The following HEATR5A variants were observed in gnomAD, a reference collection of about 807,000 sequenced individuals.
HEATR5A encodes HEAT repeat-containing protein 5A.
HEATR5A carries 178 observed loss-of-function variants against 218.8 expected under a neutral mutation model. The observed-to-expected ratio is 0.81, with a 90% confidence interval of 0.72 to 0.92. The LOEUF (loss-of-function observed/expected upper bound fraction) is 0.92, where lower values mean the gene tolerates loss of function less well. Among genes scored for constraint, HEATR5A ranks in the 40% least tolerant of loss-of-function variants. The pLI is 0.00. For missense variants in HEATR5A, 2,420 were observed against 2,418.9 expected (o/e 1.00, Z -0.01); for synonymous variants, 864 against 871.6 (o/e 0.99, Z 0.15).
intron 22 of HEATR5A, among the ~76,000 whole-genome samples, chr14:31,329,229 C>A (rs555126605): frequency 5.3e-5 from 8 of 152,306 alleles, no homozygotes; most frequent in African/African-American, 1.7e-4. Flanking sequence ...CCTCCCAAGT[C>A]TTATGTCCAC....
At chr14:31,394,002 C>T (rs1342649949) in intron 6 of HEATR5A, 50 bp downstream of exon 6, 1 of 1,249,818 alleles carries the variant, frequency 8.0e-7, no homozygotes, top group Non-Finnish European at 1.1e-6. Context: ...TTTATATCAA[C>T]TGGGGAAAAA....
At chr14:31,294,511 G>GTGAT (rs1899114529) in intron 34 of HEATR5A, among the ~76,000 whole-genome samples, 1 of 149,906 alleles carries the variant, frequency 6.7e-6, no homozygotes, top group African/African-American at 2.5e-5. Context: ...CTGTGTTCAA[G>GTGAT]TGATTCTCCT....
At chr14:31,402,702 CA>C in intron 2 of HEATR5A, 147 bp downstream of exon 2, 2 of 675,530 alleles carry the variant, frequency 3.0e-6, no homozygotes, top group Non-Finnish European at 4.5e-6. Flanking sequence ...GATGAGGGAA[CA>C]AAAAATGTAA....
At chr14:31,416,931 C>T (rs563518436) in intron 1 of HEATR5A, among the ~76,000 whole-genome samples, 130 of 152,030 alleles carry the variant, frequency 8.6e-4, no homozygotes, top group Middle Eastern at 3.4e-3. Flanking sequence ...GCAAAACCGC[C>T]TCTCTACAAA....
intron 6 of HEATR5A, among the ~76,000 whole-genome samples, chr14:31,390,162 G>C (rs562508017): frequency 5.9e-5 from 9 of 152,302 alleles, no homozygotes; most frequent in South Asian, 2.1e-4. Flanking sequence ...AGTTTACACA[G>C]AGCAATGGGG....
At chr14:31,337,407 T>C in intron 22 of HEATR5A, 69 bp downstream of exon 22, 1 of 1,303,192 alleles carries the variant, frequency 7.7e-7, no homozygotes, top group Non-Finnish European at 1.1e-6. Context: ...TCAAAACTCA[T>C]GTATATATGG....
In HEATR5A at chr14:31,402,903, A is replaced by G; in HGVS notation, c.73T>C (p.Phe25Leu). The G allele has an allele frequency of 1.3e-6, 2 of 1,536,192 alleles. No homozygotes were observed. The highest frequency in any genetic ancestry group is 1.7e-6 in the Non-Finnish European group (2 of 1,146,850). The change falls in exon 2 of 36, where the codon TTT becomes CTT. Residue 25 changes from phenylalanine to leucine, a missense_variant. Coordinates refer to ENST00000543095, the MANE Select transcript of HEATR5A (RefSeq NM_015473.4). ...NQLGEVQKAEFIFEWLRYLEK... is the reference protein window; with the variant it reads ...NQLGEVQKAELIFEWLRYLEK... ...AAGTATCTCAACCACTCAAAAATAA[A>G]CTCTGCCTTCTGAACTTCACCTAGT...
At chr14:31,397,727 T>C (rs1012629689) in intron 4 of HEATR5A, among the ~76,000 whole-genome samples, 1 of 150,288 alleles carries the variant, frequency 6.7e-6, no homozygotes, top group Non-Finnish European at 1.5e-5. Flanking sequence ...GGCATGACCA[T>C]AGCTCACGAC....
At chr14:31,310,936 C>A (rs748037115) in intron 28 of HEATR5A, among the ~76,000 whole-genome samples, 9 of 151,978 alleles carry the variant, frequency 5.9e-5, no homozygotes, top group Non-Finnish European at 1.0e-4. Flanking sequence ...ATCACTTGAG[C>A]CCAGCTGTAG....
intron 12 of HEATR5A, 125 bp downstream of exon 12, chr14:31,374,690 CA>C (rs1052774641): frequency 5.0e-4 from 408 of 820,700 alleles, no homozygotes; most frequent in South Asian, 1.1e-3. Flanking sequence ...TGTTCAGTTA[CA>C]AAAAAAAATC....
At position 31,307,990 on chromosome 14, in the gene HEATR5A, C is replaced by T. The variant is rs750371543; in HGVS notation, c.4721G>A (p.Arg1574His). The stretch of plus-strand genomic sequence containing the variant: ...TATGCTTTCCATGGTTGCATCTGAA[C>T]GTAAGGAACATAGAAATTCCACGCT... ...GISVEFLCSL[R>H]SDATMESITA... Residue 1574 changes from arginine (R) to histidine (H), a missense_variant, in exon 30 of 36, where the codon CGT becomes CAT. Transcript: ENST00000543095. The T allele has an allele frequency of 1.2e-5, 19 of 1,612,778 alleles. No homozygotes were observed. Among genetic ancestry groups the T allele is most frequent in the East Asian group, 2.2e-5 (1 of 44,842 alleles).
chr14:31,304,041 C>CA (rs1899475091), intron 32 of HEATR5A, among the ~76,000 whole-genome samples: 1 of 151,130 alleles, frequency 6.6e-6, no homozygotes, highest in African/African-American at 2.4e-5. Flanking sequence ...CCCATCTCTA[C>CA]AAAAAATTAA....
At chr14:31,398,902 T>A in intron 3 of HEATR5A, 121 bp from the exon 4 acceptor site, 1 of 623,922 alleles carries the variant, frequency 1.6e-6, no homozygotes, top group Non-Finnish European at 2.8e-6. Context: ...TTTACTTTCT[T>A]TGTATTATCC....
intron 27 of HEATR5A, 120 bp from the exon 28 acceptor site, chr14:31,313,310 T>C: frequency 2.8e-6 from 2 of 714,898 alleles, no homozygotes. Flanking sequence ...TGAAATGCAC[T>C]GTGATATCAA....
intron 26 of HEATR5A, among the ~76,000 whole-genome samples, chr14:31,318,014 C>T (rs189804428): frequency 8.2e-4 from 125 of 152,128 alleles, no homozygotes; most frequent in African/African-American, 1.9e-3. Flanking sequence ...ACCCAATGTC[C>T]GTCAATATGG....
At chr14:31,310,688 A>G (rs1450749333) in intron 28 of HEATR5A, among the ~76,000 whole-genome samples, 4 of 152,026 alleles carry the variant, frequency 2.6e-5, no homozygotes, top group African/African-American at 4.8e-5. Flanking sequence ...TTTTTTTTCC[A>G]CTTAACATTA....
At chr14:31,357,981 C>T (rs1414724792) in intron 16 of HEATR5A, among the ~76,000 whole-genome samples, 1 of 152,120 alleles carries the variant, frequency 6.6e-6, no homozygotes, top group African/African-American at 2.4e-5. Context: ...ATCATCTGAG[C>T]CAAACTCTTG....
intron 9 of HEATR5A, among the ~76,000 whole-genome samples, chr14:31,384,548 A>G (rs1259147292): frequency 7.0e-6 from 1 of 141,892 alleles, no homozygotes; most frequent in African/African-American, 2.6e-5. Flanking sequence ...TTTTTTTGAG[A>G]TAGCATCTTG....
rs1281414716 is a variant in HEATR5A at position 31,386,466 on chromosome 14, G to A, written c.1299C>T (p.His433=). 4 of 1,613,658 alleles carry A rather than the reference G, an allele frequency of 2.5e-6. No homozygotes were observed. Among genetic ancestry groups the A allele is most frequent in the Non-Finnish European group, 3.4e-6 (4 of 1,179,808 alleles). ...CALQELGNLI[H]NLGTTAAPLL... ...AAGGTGCCGCTGTGGTGCCAAGATT[G>A]TGTATGAGATTTCCAAGTTCTTGTA... The change falls in exon 9 of 36, where the codon CAC becomes CAT. Residue 433 remains histidine (H), a synonymous_variant. Transcript: ENST00000543095.
Sources: allele counts gnomAD v4.1 joint callset (sites outside exome capture counted in the v4.1 genomes callset), GRCh38; gene constraint gnomAD v4.1.1; transcripts MANE v1.5; gene names NCBI Gene and HGNC (gene_info 2026-07-23, HGNC 2026-07-21).